EIF4G3: variants seen among roughly 807,000 people sequenced by gnomAD.
EIF4G3 encodes eukaryotic translation initiation factor 4 gamma 3.
In EIF4G3, 34 loss-of-function variants were observed where a neutral mutation model predicts 186.4. The observed-to-expected ratio is 0.18, with a 90% CI of 0.14 to 0.24. The LOEUF (loss-of-function observed/expected upper bound fraction) is 0.24, where lower values mean the gene tolerates loss of function less well. EIF4G3 is among the 10% of genes least tolerant of loss of function. The pLI, the probability that EIF4G3 is intolerant of heterozygous loss-of-function variation, is 1.00. For synonymous variants in EIF4G3, 673 were observed against 679.5 expected (o/e 0.99, Z 0.15); for missense variants, 1,536 against 1,948.5 (o/e 0.79, Z 3.99).
intron 2 of EIF4G3, among the ~76,000 whole-genome samples, chr1:21,140,241 C>T (rs1020580740): frequency 7.9e-5 from 12 of 152,268 alleles, no homozygotes; most frequent in African/African-American, 2.9e-4. Flanking sequence ...CAATAACCTA[C>T]AGAAAAAACA....
intron 14 of EIF4G3, among the ~76,000 whole-genome samples, chr1:20,933,939 G>A (rs999721160): frequency 6.6e-6 from 1 of 152,106 alleles, no homozygotes; most frequent in Non-Finnish European, 1.5e-5. Flanking sequence ...TAAAAATTTG[G>A]AAATCCTACT....
At chr1:20,948,970 CA>C (rs34585901) in intron 13 of EIF4G3, among the ~76,000 whole-genome samples, 841 of 51,536 alleles carry the variant, frequency 0.016, 3 homozygotes, top group African/African-American at 0.044. Flanking sequence ...GACTCTGTCT[CA>C]AAAAAAAAAA....
chr1:20,973,902 G>T (rs1327420112), intron 10 of EIF4G3, among the ~76,000 whole-genome samples: 1 of 152,214 alleles, frequency 6.6e-6, no homozygotes, highest in Non-Finnish European at 1.5e-5. Flanking sequence ...ATTGTTTGGA[G>T]TAGAGGTGTG....
chr1:21,079,374 A>G (rs1281759087), intron 3 of EIF4G3, among the ~76,000 whole-genome samples: 3 of 152,060 alleles, frequency 2.0e-5, no homozygotes, highest in Non-Finnish European at 4.4e-5. Context: ...AAAATGGCTA[A>G]ATGTATCATG....
chr1:21,053,152 C>A lies in EIF4G3; in HGVS notation c.-195-2158G>T, dbSNP rs554874050. ...GGAAGTGAGGAGCGTCTCTGCCAGG[C>A]CGCCCATCGTCTGAGATGTGGGGAG... On this transcript the variant is annotated intron_variant, in intron 3 of 36. Coordinates refer to ENST00000602326, the MANE Select transcript of EIF4G3 (RefSeq NM_001391906.1). Among the ~76,000 whole-genome samples the A allele has an allele frequency of 5.2e-3, 786 of 152,032 alleles. 4 individuals are homozygous for A. The highest frequency in any genetic ancestry group is 0.018 in the African/African-American group (759 of 41,478).
chr1:21,087,374 G>A (rs2096021002), intron 3 of EIF4G3, among the ~76,000 whole-genome samples: 1 of 152,188 alleles, frequency 6.6e-6, no homozygotes, highest in Non-Finnish European at 1.5e-5. Context: ...TGTAATCCCA[G>A]CACTTTCGTA....
chr1:21,050,909 G>C lies in EIF4G3; in HGVS notation c.-110C>G, dbSNP rs966399982. ...CGATGCATGTCCCGGGGGCGTTGCC[G>C]CAAGATTTGGATGCCCCTTGTTTAT... On this transcript the variant is annotated 5_prime_UTR_variant, in exon 4 of 37. Transcript: ENST00000602326. 4 of 713,686 alleles carry C rather than the reference G, an allele frequency of 5.6e-6. No homozygotes were observed. The highest frequency in any genetic ancestry group is 5.4e-5 in the East Asian group (2 of 37,192). The allele number at this position is 713,686 out of a possible 1,614,324, so 44.2% of individuals were successfully genotyped here.
chr1:20,821,086 G>C (rs192686871), intron 33 of EIF4G3, among the ~76,000 whole-genome samples: 57 of 152,232 alleles, frequency 3.7e-4, no homozygotes, highest in African/African-American at 1.3e-3. Flanking sequence ...GGCCACAGAG[G>C]TTTCTGGCCA....
Position 20,941,592 on chromosome 1 carries a change from T to C in EIF4G3, c.1562A>G (p.Asp521Gly). 1 of 1,614,222 alleles carries C rather than the reference T, an allele frequency of 6.2e-7. No homozygotes were observed. Among genetic ancestry groups the C allele is most frequent in the Middle Eastern group, 1.6e-4 (1 of 6,062 alleles). ...DESIRTCLSE[D>G]AKEIQNKIEV... ...TATTTTGTTCTGAATCTCTTTTGCA[T>C]CTTCACTAAGGCAAGTTCTTATGCT... The change falls in exon 14 of 37, where the codon GAT becomes GGT. Residue 521 changes from aspartate (D) to glycine (G), a missense_variant. Physicochemically the swap from Asp to Gly is moderately conservative, Grantham distance 94 (BLOSUM62 -1). Coordinates refer to ENST00000602326, the MANE Select transcript of EIF4G3 (RefSeq NM_001391906.1).
chr1:20,892,539 A>C, intron 18 of EIF4G3: 3 of 1,047,796 alleles, frequency 2.9e-6, no homozygotes, highest in Non-Finnish European at 4.3e-6. Flanking sequence ...CTTAACAATC[A>C]ATAGTAAATA....
intron 33 of EIF4G3, among the ~76,000 whole-genome samples, chr1:20,824,475 G>C (rs540697628): frequency 6.6e-6 from 1 of 152,102 alleles, no homozygotes; most frequent in Non-Finnish European, 1.5e-5. Flanking sequence ...AACGTTTTGA[G>C]AGAGTTTTGT....
At chr1:21,025,252 G>A (rs974696149) in intron 4 of EIF4G3, among the ~76,000 whole-genome samples, 1 of 152,174 alleles carries the variant, frequency 6.6e-6, no homozygotes, top group Non-Finnish European at 1.5e-5. Context: ...GGTCAAGTAA[G>A]GACTTCGCCA....
chr1:20,829,421 A>G, intron 30 of EIF4G3, 149 bp from the exon 31 acceptor site: 1 of 861,328 alleles, frequency 1.2e-6, no homozygotes, highest in South Asian at 1.7e-5. Flanking sequence ...TAAATACATT[A>G]CCATTCTCAA....
chr1:21,038,998 C>T (rs151056354), intron 4 of EIF4G3, among the ~76,000 whole-genome samples: 1,534 of 152,128 alleles, frequency 0.01, 24 homozygotes, highest in African/African-American at 0.035. Context: ...CCAAAACAAT[C>T]TCGAAAAAGG....
At chr1:20,828,900 C>T (rs1040956376) in intron 31 of EIF4G3, among the ~76,000 whole-genome samples, 7 of 152,186 alleles carry the variant, frequency 4.6e-5, no homozygotes, top group Non-Finnish European at 8.8e-5. Context: ...TTACACGATT[C>T]TGGAGCCAAT....
intron 33 of EIF4G3, among the ~76,000 whole-genome samples, chr1:20,819,500 C>T (rs952637404): frequency 6.6e-6 from 1 of 151,152 alleles, no homozygotes; most frequent in African/African-American, 2.4e-5. Context: ...CTCTTTTGCC[C>T]GGGTTGCAGT....
intron 20 of EIF4G3, among the ~76,000 whole-genome samples, chr1:20,865,732 G>A (rs1187784551): frequency 1.3e-5 from 2 of 152,054 alleles, no homozygotes; most frequent in Non-Finnish European, 2.9e-5. Flanking sequence ...GCAGAAGTTG[G>A]GATACTGGGG....
chr1:21,174,539 A>G (rs1366577753), intron 2 of EIF4G3, among the ~76,000 whole-genome samples: 4 of 152,238 alleles, frequency 2.6e-5, no homozygotes, highest in Non-Finnish European at 5.9e-5. Context: ...CAGAAACTTA[A>G]AAGTCCTAAC....
intron 4 of EIF4G3, among the ~76,000 whole-genome samples, chr1:21,025,519 A>G (rs1024448682): frequency 6.6e-6 from 1 of 152,108 alleles, no homozygotes; most frequent in Non-Finnish European, 1.5e-5. Context: ...GCACCTAAAT[A>G]TAAGGGGAAG....
Sources: gnomAD v4.1 joint callset for allele counts (sites outside exome capture counted in the v4.1 genomes callset) on GRCh38, gnomAD v4.1.1 for gene constraint, MANE v1.5 for transcripts, NCBI Gene and HGNC (gene_info 2026-07-23, HGNC 2026-07-21) for gene names.